Variants in STAR observed in about 807,000 individuals in gnomAD.
STAR encodes the protein steroidogenic acute regulatory protein, also known as steroidogenic acute regulatory protein, mitochondrial.
STAR carries 32 observed loss-of-function variants against 32.3 expected under a neutral mutation model. That is an observed-to-expected ratio of 0.99 (90% confidence interval 0.75 to 1.33). The LOEUF is 1.33. STAR is among the 40% of genes most tolerant of loss of function. STAR has a pLI of 0.00. For synonymous variants in STAR, 134 were observed against 140.5 expected, an observed-to-expected ratio of 0.95 and a Z score of 0.33; for missense variants, 375 against 379.0, an observed-to-expected ratio of 0.99 and a Z score of 0.09.
At chr8:38,146,984 A>AT (rs1270449019) in intron 3 of STAR, among the ~76,000 whole-genome samples, 1 of 147,632 alleles carries the variant, frequency 6.8e-6, no homozygotes, top group East Asian at 2.0e-4. Flanking sequence ...CCTTTTTAAG[A>AT]TTTTTTTCTT....
chr8:38,149,774 G>A (rs1301114583), intron 1 of STAR, among the ~76,000 whole-genome samples: 1 of 152,154 alleles, frequency 6.6e-6, no homozygotes, highest in African/African-American at 2.4e-5. Context: ...AGGACGCAGA[G>A]GCTGCAGTGA....
chr8:38,145,157 G>A (rs888198193), intron 6 of STAR, 65 bp downstream of exon 6: 3 of 1,611,226 alleles, frequency 1.9e-6, no homozygotes, highest in African/African-American at 1.3e-5. Context: ...AGCATGGGGG[G>A]AATGGGAAGA....
rs1245636937 is a variant in STAR, at chr8:38,143,611, A to AT, written c.*661dup. The AT allele has an allele frequency of 3.9e-5, 6 of 154,970 alleles. No homozygotes were observed. The highest frequency in any genetic ancestry group is 3.1e-4 in the Admixed American group (5 of 15,876). The allele number at this position is 154,970 out of a possible 1,614,324, so 9.6% of individuals were successfully genotyped here. ...TGAGCCACTGCACCCAGCTGCATAGATTTTTTTAACAGTACAATATTAAAA... is the reference window on the plus strand; with the variant it reads ...TGAGCCACTGCACCCAGCTGCATAGATTTTTTTTAACAGTACAATATTAAAA... On this transcript the variant is annotated 3_prime_UTR_variant, in exon 7 of 7. Transcript: ENST00000276449.
intron 6 of STAR, chr8:38,144,971 T>C: frequency 7.7e-7 from 1 of 1,305,836 alleles, no homozygotes; most frequent in Non-Finnish European, 9.8e-7. Context: ...ACCATGTCAT[T>C]GTACTCCAGC....
rs1248179313 is a variant in STAR at position 38,144,357 on chromosome 8, C to A, written c.774G>T (p.Gln258His). The change falls in exon 7 of 7, where the codon CAG becomes CAT. Residue 258 changes from glutamine to histidine, a missense_variant. Transcript: ENST00000276449. ...KGWLPKSIIN[Q>H]VLSQTQVDFA... ...AATCCACCTGGGTCTGGGACAGGACCTGGTTGATGATGCTCTTGGGCAGCC... is the reference window on the plus strand; with the variant it reads ...AATCCACCTGGGTCTGGGACAGGACATGGTTGATGATGCTCTTGGGCAGCC... The A allele has an allele frequency of 1.2e-6, 2 of 1,606,570 alleles. No homozygotes were observed. Among genetic ancestry groups the A allele is most frequent in the Admixed American group, 3.4e-5 (2 of 58,980 alleles).
Position 38,145,256 on chromosome 8 carries a change from GTC to G in STAR, c.708_709del (p.Lys236AsnfsTer46). The G allele has an allele frequency of 6.2e-7, 1 of 1,614,162 alleles. No homozygotes were observed. The highest frequency in any genetic ancestry group is 2.2e-5 in the East Asian group (1 of 44,878). On this transcript the variant is annotated frameshift_variant, in exon 6 of 7. Coordinates refer to ENST00000276449, the MANE Select transcript of STAR (RefSeq NM_000349.3). LOFTEE classifies it high-confidence loss of function. Reference sequence around the variant, plus strand: ...GATGCTGAGTAGCCACGTAAGTTTGGTCTTAGAGGGACTTCCAGCCAACGGGT... The same window carrying G: ...GATGCTGAGTAGCCACGTAAGTTTGGTTAGAGGGACTTCCAGCCAACGGGT...
Position 38,143,065 on chromosome 8 carries a change from TA to T in STAR, c.*1207del, listed in dbSNP as rs374221940. Among the ~76,000 whole-genome samples, 172 of 152,328 alleles carry T rather than the reference TA, an allele frequency of 1.1e-3. 1 individual carries two copies. The highest frequency in any genetic ancestry group is 4.0e-3 in the African/African-American group (168 of 41,572). On this transcript the variant is annotated 3_prime_UTR_variant, in exon 7 of 7. Transcript: ENST00000276449. ...TTTTAATTAGGTAAATAAACAGTTA[TA>T]ATCTTCATCTTCCAGGGCCCATTAA...
rs973250482 is a variant in STAR, at chr8:38,142,726, C to T, written c.*1547G>A. ...TATTTTTAGTAGAGATGGGGTTTCT[C>T]CATGTTAGTCAGGCTGGTCTCCTGC... On this transcript the variant is annotated 3_prime_UTR_variant, in exon 7 of 7. Coordinates refer to ENST00000276449, the MANE Select transcript of STAR (RefSeq NM_000349.3). Among the ~76,000 whole-genome samples the T allele has an allele frequency of 4.0e-5, 6 of 151,846 alleles. No homozygotes were observed. Among genetic ancestry groups the T allele is most frequent in the African/African-American group, 1.2e-4 (5 of 41,310 alleles).
intron 2 of STAR, 30 bp from the exon 3 acceptor site, chr8:38,148,357 T>A: frequency 6.2e-7 from 1 of 1,613,088 alleles, no homozygotes; most frequent in Non-Finnish European, 8.5e-7. Flanking sequence ...GAGACAGAGC[T>A]TCCTTCTTCT....
chr8:38,144,558 A>C, intron 6 of STAR, 172 bp from the exon 7 acceptor site: 1 of 1,464,432 alleles, frequency 6.8e-7, no homozygotes, highest in Non-Finnish European at 9.1e-7. Context: ...CTCTGCTGTC[A>C]TGACTTTCAG....
Position 38,149,711 on chromosome 8 carries a change from C to T in STAR, c.65-957G>A, listed in dbSNP as rs575743678. 6.6e-5 allele frequency among the ~76,000 whole-genome samples: 10 copies of T among 152,278 alleles called. No homozygotes were observed. The South Asian group carries it at 1.2e-3, about 19-fold the overall frequency. On this transcript the variant is annotated intron_variant, in intron 1 of 6. Coordinates refer to ENST00000276449, the MANE Select transcript of STAR (RefSeq NM_000349.3). Reference sequence around the variant, plus strand: ...AAAGATGGCCAGGCATGGTGGTGCACGCCTGTGGTCCCAGCCACTCAGGAG... The same window carrying T: ...AAAGATGGCCAGGCATGGTGGTGCATGCCTGTGGTCCCAGCCACTCAGGAG...
chr8:38,145,882 G>T, intron 5 of STAR, 81 bp downstream of exon 5: 1 of 1,571,700 alleles, frequency 6.4e-7, no homozygotes. Context: ...CTTGGAGCTG[G>T]GGATGCAGTC....
At chr8:38,150,705 T>C (rs766025623) in intron 1 of STAR, 50 bp downstream of exon 1, 1 of 1,602,872 alleles carries the variant, frequency 6.2e-7, no homozygotes, top group Non-Finnish European at 8.5e-7. Flanking sequence ...CTGAGCCTCA[T>C]CCGCTGAGAG....
chr8:38,150,610 G>T, intron 1 of STAR, 145 bp downstream of exon 1: 1 of 1,300,376 alleles, frequency 7.7e-7, no homozygotes, highest in Non-Finnish European at 1.1e-6. Flanking sequence ...CACTTCTTCC[G>T]AGGGGAAAAC....
In STAR at chr8:38,145,926, TAGAAG is replaced by T. The variant is rs1419849726; in HGVS notation, c.650+32_650+36del. On this transcript the variant is annotated intron_variant, in intron 5 of 6. Coordinates refer to ENST00000276449, the MANE Select transcript of STAR (RefSeq NM_000349.3). Reference sequence around the variant, plus strand: ...TGGGTGCACACCTGCAGGCCTGTGTTAGAAGAGGGGGGTTTGGAGCCTGCTGCCCG... The same window carrying T: ...TGGGTGCACACCTGCAGGCCTGTGTTAGGGGGGTTTGGAGCCTGCTGCCCG... 12 of 1,612,038 alleles carry T rather than the reference TAGAAG, an allele frequency of 7.4e-6. No individual in the cohort carries two copies. In the Admixed American group the frequency reaches 1.3e-4, roughly 18 times the overall value.
chr8:38,144,214 C>G lies in STAR; in HGVS notation c.*59G>C. ...GACTTGCAGGCTTCCAGTAGGGATT[C>G]TCCTGATGAGCGTGTGTACCAGTGC... On this transcript the variant is annotated 3_prime_UTR_variant, in exon 7 of 7. Coordinates refer to ENST00000276449, the MANE Select transcript of STAR (RefSeq NM_000349.3). 6.6e-7 allele frequency: 1 copy of G among 1,518,618 alleles called. No individual in the cohort carries two copies. The highest frequency in any genetic ancestry group is 9.0e-7 in the Non-Finnish European group (1 of 1,117,294). 94.1% of individuals were successfully genotyped at this position (1,518,618 alleles called of 1,614,324 possible).
Position 38,146,279 on chromosome 8 carries a change from C to T in STAR, c.465+10G>A, listed in dbSNP as rs1375144653. Reference sequence around the variant, plus strand: ...TGGGCCCCTGCCACCTGCACCTGGACTTTGCTCACCTTGATCTCCTTGACA... The same window carrying T: ...TGGGCCCCTGCCACCTGCACCTGGATTTTGCTCACCTTGATCTCCTTGACA... On this transcript the variant is annotated intron_variant, in intron 4 of 6. Transcript: ENST00000276449. 4 of 1,614,124 alleles carry T rather than the reference C, an allele frequency of 2.5e-6. No homozygotes were observed. The highest frequency in any genetic ancestry group is 3.4e-6 in the Non-Finnish European group (4 of 1,180,036).
Position 38,146,074 on chromosome 8 carries a change from C to T in STAR, c.539G>A (p.Gly180Glu), listed in dbSNP as rs1404092989. Reference protein sequence around the residue: ...LAAEAAGNLVGPRDFVSVRCA... With the variant: ...LAAEAAGNLVEPRDFVSVRCA... Reference sequence around the variant, plus strand: ...GCGCACGCTCACAAAGTCACGGGGCCCCACCAGGTTTCCTGCTGCCTCGGC... The same window carrying T: ...GCGCACGCTCACAAAGTCACGGGGCTCCACCAGGTTTCCTGCTGCCTCGGC... The change falls in exon 5 of 7, where the codon GGG becomes GAG. Residue 180 changes from glycine to glutamate, a missense_variant. Transcript: ENST00000276449. The T allele has an allele frequency of 6.2e-7, 1 of 1,614,110 alleles. No individual in the cohort carries two copies. Among genetic ancestry groups the T allele is most frequent in the Non-Finnish European group, 8.5e-7 (1 of 1,180,050 alleles).
chr8:38,149,045 A>T (rs1422180329), intron 1 of STAR: 1 of 436,070 alleles, frequency 2.3e-6, no homozygotes, highest in Admixed American at 3.5e-5. Context: ...AAGGGGAAAA[A>T]GCTGTGTTCA....
Sources: allele counts gnomAD v4.1 joint callset (sites outside exome capture counted in the v4.1 genomes callset), GRCh38; gene constraint gnomAD v4.1.1; transcripts MANE v1.5; gene names NCBI Gene and HGNC (gene_info 2026-07-23, HGNC 2026-07-21).